TTC29: variants seen among roughly 807,000 people sequenced by gnomAD.
TTC29 encodes the protein tetratricopeptide repeat protein 29.
Under a neutral mutation model 58.1 loss-of-function variants are expected in TTC29, and 49 were observed. The ratio of observed to expected loss-of-function variants is 0.84; its 90% CI spans 0.67 to 1.07. TTC29 has a LOEUF of 1.07. Ranked by LOEUF, TTC29 falls within the 50% of genes least tolerant of loss-of-function variation. The pLI, the probability that TTC29 is intolerant of heterozygous loss-of-function variation, is 0.00. For synonymous variants in TTC29, 209 were observed against 196.8 expected, an observed-to-expected ratio of 1.06 and a Z score of -0.52; for missense variants, 582 against 555.6, an observed-to-expected ratio of 1.05 and a Z score of -0.48.
chr4:146,744,064 G>A (rs1745357600), intron 11 of TTC29, among the ~76,000 whole-genome samples: 1 of 152,244 alleles, frequency 6.6e-6, no homozygotes. Context: ...GTGGAGATGG[G>A]AAGGAGGGAA....
chr4:146,867,635 C>T, intron 7 of TTC29, 52 bp from the exon 8 acceptor site: 1 of 856,500 alleles, frequency 1.2e-6, no homozygotes, highest in Admixed American at 3.1e-5. Context: ...TGATTTATTA[C>T]AACAAACAGA....
chr4:146,755,680 G>A (rs551350926), intron 11 of TTC29, among the ~76,000 whole-genome samples: 3 of 151,212 alleles, frequency 2.0e-5, no homozygotes, highest in African/African-American at 7.4e-5. Context: ...CTTCATGATA[G>A]TAACTTTTTT....
intron 11 of TTC29, among the ~76,000 whole-genome samples, chr4:146,748,753 C>A (rs926084306): frequency 6.6e-6 from 1 of 152,150 alleles, no homozygotes; most frequent in Non-Finnish European, 1.5e-5. Flanking sequence ...AAAGTCTTTC[C>A]CTACAAAAGC....
At chr4:146,707,337 CTG>C (rs1742033866) in intron 12 of TTC29, 146 bp downstream of exon 12, 6 of 784,404 alleles carry the variant, frequency 7.6e-6, no homozygotes, top group Admixed American at 6.1e-5. Context: ...GAAAATAAAT[CTG>C]TGATTTTTTT....
chr4:146,828,668 C>T (rs941241513), intron 9 of TTC29, among the ~76,000 whole-genome samples: 14 of 151,964 alleles, frequency 9.2e-5, no homozygotes, highest in Admixed American at 2.0e-4. Flanking sequence ...GTATGAGAAA[C>T]ACAAAATAGT....
intron 10 of TTC29, among the ~76,000 whole-genome samples, chr4:146,807,955 A>G (rs1463590361): frequency 6.6e-6 from 1 of 152,206 alleles, no homozygotes; most frequent in African/African-American, 2.4e-5. Flanking sequence ...ATTTCAGGCC[A>G]ATATCCCTGA....
chr4:146,930,605 A>AC (rs1447337261), intron 4 of TTC29, among the ~76,000 whole-genome samples: 5 of 152,214 alleles, frequency 3.3e-5, no homozygotes. Flanking sequence ...AGTTGCAGTA[A>AC]CCTCAGTAAT....
intron 6 of TTC29, among the ~76,000 whole-genome samples, chr4:146,884,672 A>C (rs1731858738): frequency 6.6e-6 from 1 of 152,070 alleles, no homozygotes; most frequent in African/African-American, 2.4e-5. Flanking sequence ...AAGAGAAAAA[A>C]TGCTCCCAAG....
intron 4 of TTC29, chr4:146,934,285 G>T (rs891186263): frequency 4.6e-5 from 7 of 152,202 alleles, no homozygotes; most frequent in African/African-American, 1.7e-4. Flanking sequence ...ACATTTTGGA[G>T]TTGTAGCTGA....
intron 7 of TTC29, among the ~76,000 whole-genome samples, chr4:146,869,521 T>A (rs1730790957): frequency 6.6e-6 from 1 of 152,124 alleles, no homozygotes; most frequent in Admixed American, 6.6e-5. Flanking sequence ...TGGGGATAAA[T>A]GTGGGACTAG....
intron 11 of TTC29, among the ~76,000 whole-genome samples, chr4:146,761,650 A>C (rs553291201): frequency 6.8e-6 from 1 of 146,512 alleles, no homozygotes; most frequent in Non-Finnish European, 1.5e-5. Flanking sequence ...TTAGTTGAGT[A>C]GTTTCCCTAA....
chr4:146,917,574 A>G (rs1350713142), intron 4 of TTC29, among the ~76,000 whole-genome samples: 2 of 90,122 alleles, frequency 2.2e-5, no homozygotes, highest in Non-Finnish European at 5.2e-5. Flanking sequence ...ATTTTTATAA[A>G]ATGCAATTAG....
rs142937858 is a variant in TTC29, at chr4:146,863,613, CAT to C, written c.885+3883_885+3884del. Among the ~76,000 whole-genome samples, 1,336 of 152,282 alleles carry C rather than the reference CAT, an allele frequency of 8.8e-3. 18 individuals carry two copies. Among genetic ancestry groups the C allele is most frequent in the African/African-American group, 0.031 (1,283 of 41,552 alleles). On this transcript the variant is annotated intron_variant, in intron 8 of 12. Transcript: ENST00000325106. ...CAGAAATGCATTTCTCATAGCCTCT[CAT>C]GTGTATATGAAAAGATTTGTTACTT...
intron 4 of TTC29, among the ~76,000 whole-genome samples, chr4:146,922,832 C>A (rs1002682748): frequency 6.6e-6 from 1 of 151,606 alleles, no homozygotes; most frequent in African/African-American, 2.4e-5. Context: ...TAGAAAATAT[C>A]ATGTTAAACT....
intron 11 of TTC29, among the ~76,000 whole-genome samples, chr4:146,757,050 T>G (rs1746505436): frequency 6.6e-6 from 1 of 152,118 alleles, no homozygotes; most frequent in Non-Finnish European, 1.5e-5. Context: ...GGATTTCTTC[T>G]TGGTTTGGAT....
intron 6 of TTC29, among the ~76,000 whole-genome samples, chr4:146,896,745 G>A (rs1442629339): frequency 5.3e-5 from 8 of 151,902 alleles, no homozygotes; most frequent in Non-Finnish European, 1.2e-4. Context: ...ATTCAAGTTT[G>A]TCCTCAGCAT....
chr4:146,727,021 G>A (rs1223876209), intron 11 of TTC29, among the ~76,000 whole-genome samples: 1 of 151,476 alleles, frequency 6.6e-6, no homozygotes, highest in Non-Finnish European at 1.5e-5. Context: ...CACTGTTACT[G>A]TTTCTTACTC....
chr4:146,770,002 G>A (rs766558656), intron 11 of TTC29, among the ~76,000 whole-genome samples: 18 of 151,978 alleles, frequency 1.2e-4, no homozygotes, highest in Non-Finnish European at 2.5e-4. Context: ...AGAAGCCGAT[G>A]ATTTGCTCAA....
At chr4:146,778,991 A>AAAAAAAAAAAAAAAAAAAAAAAG (rs1748349898) in intron 11 of TTC29, among the ~76,000 whole-genome samples, 1 of 127,646 alleles carries the variant, frequency 7.8e-6, no homozygotes, top group Non-Finnish European at 1.6e-5. Context: ...AAAAAAAAAA[A>AAAAAAAAAAAAAAAAAAAAAAAG]AAAAAAAAAA....
Sources: gnomAD v4.1 joint callset for allele counts (sites outside exome capture counted in the v4.1 genomes callset) on GRCh38, gnomAD v4.1.1 for gene constraint, MANE v1.5 for transcripts, NCBI Gene and HGNC (gene_info 2026-07-23, HGNC 2026-07-21) for gene names.